Variants in DYTN observed in about 807,000 individuals in gnomAD.
The protein encoded by DYTN is dystrotelin.
Under a neutral mutation model 69.6 loss-of-function variants are expected in DYTN, and 75 were observed. That is an observed-to-expected ratio of 1.08 (90% CI 0.89 to 1.31). The LOEUF (loss-of-function observed/expected upper bound fraction) is 1.31. Ranked by LOEUF, DYTN falls within the 50% of genes most tolerant of loss-of-function variation. DYTN has a pLI of 0.00. For synonymous variants in DYTN, 252 were observed against 249.1 expected (o/e 1.01, Z -0.11); for missense variants, 726 against 688.4 (o/e 1.05, Z -0.61).
At chr2:206,708,453 T>G (rs1395624040) in intron 2 of DYTN, among the ~76,000 whole-genome samples, 2 of 152,198 alleles carry the variant, frequency 1.3e-5, no homozygotes, top group African/African-American at 4.8e-5. Context: ...TAATAAAAAT[T>G]TTTATTTGTT....
chr2:206,667,036 C>G (rs912330242), intron 9 of DYTN, among the ~76,000 whole-genome samples: 1 of 152,072 alleles, frequency 6.6e-6, no homozygotes, highest in Admixed American at 6.6e-5. Flanking sequence ...CAGAGAGAGA[C>G]CCTGTCTCTA....
chr2:206,703,110 C>T (rs935367252), intron 5 of DYTN, among the ~76,000 whole-genome samples: 6 of 152,064 alleles, frequency 3.9e-5, no homozygotes, highest in East Asian at 1.9e-4. Context: ...CGGGTAGGGG[C>T]GGAGTGCTGA....
chr2:206,653,628 T>C (rs1353984209), intron 11 of DYTN, among the ~76,000 whole-genome samples: 1 of 152,236 alleles, frequency 6.6e-6, no homozygotes, highest in African/African-American at 2.4e-5. Context: ...TCTGGGCAAC[T>C]GGAATACTGA....
intron 4 of DYTN, 125 bp downstream of exon 4, chr2:206,705,663 T>C (rs1700017973): frequency 2.7e-6 from 2 of 740,710 alleles, no homozygotes; most frequent in Admixed American, 3.3e-5. Flanking sequence ...AATATTTTTA[T>C]TTAATAAACA....
In DYTN at chr2:206,662,979, C is replaced by T. The variant is rs1396719685; in HGVS notation, c.1557G>A (p.Lys519=). The T allele has an allele frequency of 6.2e-7, 1 of 1,613,762 alleles. No homozygotes were observed. Among genetic ancestry groups the T allele is most frequent in the East Asian group, 2.2e-5 (1 of 44,886 alleles). Residue 519 remains lysine (K), a synonymous_variant, in exon 11 of 12, where the codon AAG becomes AAA. Transcript: ENST00000452335. ...KKEAGNIKER[K]DELEEEELQE... is the part of the protein sequence containing the mutation. Reference sequence around the variant, plus strand: ...GCAGTTCCTCTTCCTCCAGCTCATCCTTTCTCTCCTTGATGTTACCTGCCT... The same window carrying T: ...GCAGTTCCTCTTCCTCCAGCTCATCTTTTCTCTCCTTGATGTTACCTGCCT...
rs761334464 is a variant in DYTN, at chr2:206,693,316, G to A, written c.839C>T (p.Ala280Val). The A allele has an allele frequency of 7.9e-5, 127 of 1,611,526 alleles. No homozygotes were observed. The Middle Eastern group carries it at 9.9e-4, about 13-fold the overall frequency. Residue 280 changes from alanine (A) to valine (V), a missense_variant, in exon 9 of 12, where the codon GCA (alanine) becomes GTA (valine). Physicochemically the swap from Ala to Val is moderately conservative, Grantham distance 64. Coordinates refer to ENST00000452335, the MANE Select transcript of DYTN (RefSeq NM_001093730.1). ...PVIEHCIQMS[A>V]MQNTKLLFRT... The stretch of plus-strand genomic sequence containing the variant: ...GAAGAGAAGTTTTGTATTCTGCATT[G>A]CTGACATCTGCTGAAAGGGCCAACA...
chr2:206,680,183 G>T (rs970967904), intron 9 of DYTN, among the ~76,000 whole-genome samples: 3 of 152,202 alleles, frequency 2.0e-5, no homozygotes, highest in Non-Finnish European at 4.4e-5. Flanking sequence ...AGCAACAGAG[G>T]AACAAAAGCA....
rs576727897 is a variant in DYTN, at chr2:206,698,871, T to C, written c.719+856A>G. Among the ~76,000 whole-genome samples, 3 of 152,362 alleles carry C rather than the reference T, an allele frequency of 2.0e-5. No homozygotes were observed. In the East Asian group the frequency reaches 5.8e-4, roughly 29 times the overall value. On this transcript the variant is annotated intron_variant, in intron 7 of 11. Transcript: ENST00000452335. Reference sequence around the variant, plus strand: ...AGTCTGTGCCTTGTTTGCAGTTGTCTGCACAGGGAGGCAGCGGAGCATCAT... The same window carrying C: ...AGTCTGTGCCTTGTTTGCAGTTGTCCGCACAGGGAGGCAGCGGAGCATCAT...
intron 9 of DYTN, among the ~76,000 whole-genome samples, chr2:206,682,663 G>C (rs1477837880): frequency 2.6e-5 from 4 of 151,924 alleles, no homozygotes; most frequent in Admixed American, 2.6e-4. Flanking sequence ...CCCCAAATTT[G>C]TATCTCCAGT....
At chr2:206,654,189 C>G (rs527614943) in intron 11 of DYTN, among the ~76,000 whole-genome samples, 2 of 152,280 alleles carry the variant, frequency 1.3e-5, no homozygotes, top group African/African-American at 4.8e-5. Context: ...ATCTGTATCT[C>G]TATCTATCTA....
At chr2:206,694,110 C>T (rs1699893705) in intron 8 of DYTN, among the ~76,000 whole-genome samples, 1 of 152,160 alleles carries the variant, frequency 6.6e-6, no homozygotes, top group Non-Finnish European at 1.5e-5. Flanking sequence ...AAGAAACTTA[C>T]TCACTGGAAT....
At chr2:206,668,074 T>C (rs899187267) in intron 9 of DYTN, among the ~76,000 whole-genome samples, 1 of 152,290 alleles carries the variant, frequency 6.6e-6, no homozygotes, top group South Asian at 2.1e-4. Flanking sequence ...AGGTATATCT[T>C]TATGATGGGT....
intron 1 of DYTN, among the ~76,000 whole-genome samples, chr2:206,712,089 T>C (rs1180064082): frequency 2.8e-4 from 42 of 152,338 alleles, no homozygotes; most frequent in Non-Finnish European, 2.9e-5. Flanking sequence ...TAACTGCTTA[T>C]TGTTGGTATA....
chr2:206,703,797 T>G (rs1197129553), intron 5 of DYTN, among the ~76,000 whole-genome samples: 1 of 152,120 alleles, frequency 6.6e-6, no homozygotes, highest in African/African-American at 2.4e-5. Context: ...TCCTAAGTCA[T>G]TACAGTCCAG....
chr2:206,703,865 A>C (rs1172648453), intron 5 of DYTN, among the ~76,000 whole-genome samples: 2 of 152,192 alleles, frequency 1.3e-5, no homozygotes, highest in African/African-American at 4.8e-5. Context: ...CTTCAAAACA[A>C]GGGTAAGGGT....
chr2:206,714,944 CTT>C (rs373615386), intron 1 of DYTN, among the ~76,000 whole-genome samples: 2 of 145,570 alleles, frequency 1.4e-5, no homozygotes, highest in African/African-American at 2.5e-5. Context: ...GCCTAAATTT[CTT>C]TTTTTTTTTT....
chr2:206,676,367 G>A (rs1241325406), intron 9 of DYTN, among the ~76,000 whole-genome samples: 1 of 151,992 alleles, frequency 6.6e-6, no homozygotes, highest in East Asian at 1.9e-4. Context: ...TCATAAGTGG[G>A]AGCTGAACAA....
rs749721465 is a variant in DYTN, at chr2:206,663,193, T to C, written c.1343A>G (p.His448Arg). The change falls in exon 11 of 12, where the codon CAT becomes CGT. Residue 448 changes from histidine (H) to arginine (R), a missense_variant. Coordinates refer to ENST00000452335, the MANE Select transcript of DYTN (RefSeq NM_001093730.1). ...RSHRSHTNAEHALRNPESPET... is the reference protein window; with the variant it reads ...RSHRSHTNAERALRNPESPET... ...TGGTGATTCTGGATTTCGCAGAGCA[T>C]GCTCTGCATTTGTGTGACTTCTGTG... 9 of 1,614,014 alleles carry C rather than the reference T, an allele frequency of 5.6e-6. No individual in the cohort carries two copies. The Admixed American group carries it at 1.5e-4, about 27-fold the overall frequency.
At chr2:206,699,466 T>C (rs1158418355) in intron 7 of DYTN, among the ~76,000 whole-genome samples, 1 of 152,068 alleles carries the variant, frequency 6.6e-6, no homozygotes. Flanking sequence ...AAAGACAAAA[T>C]GTATTCCCCT....
Sources: gnomAD v4.1 joint callset for allele counts (sites outside exome capture counted in the v4.1 genomes callset) on GRCh38, gnomAD v4.1.1 for gene constraint, MANE v1.5 for transcripts, NCBI Gene and HGNC (gene_info 2026-07-23, HGNC 2026-07-21) for gene names.